The following IL1RAPL1 variants were observed in gnomAD, a reference collection of about 807,000 sequenced individuals.
The protein encoded by IL1RAPL1 is interleukin 1 receptor accessory protein like 1.
Under a neutral mutation model 48.4 loss-of-function variants are expected in IL1RAPL1, and 3 were observed. The observed-to-expected ratio is 0.06, with a 90% confidence interval of 0.03 to 0.16. The LOEUF is 0.16. IL1RAPL1 is among the 10% of genes least tolerant of loss of function. The pLI is 1.00. For missense variants in IL1RAPL1, 349 were observed against 530.6 expected, an observed-to-expected ratio of 0.66 and a Z score of 3.36; for synonymous variants, 185 against 187.7, an observed-to-expected ratio of 0.99 and a Z score of 0.12.
intron 6 of IL1RAPL1, among the ~76,000 whole-genome samples, chrX:29,718,899 A>T (rs898170073): frequency 8.9e-6 from 1 of 111,996 alleles, no homozygotes; most frequent in Non-Finnish European, 1.9e-5. Flanking sequence ...CAAATGAATG[A>T]AATTTAGACT....
chrX:29,567,217 CAA>C (rs200981365), intron 5 of IL1RAPL1, among the ~76,000 whole-genome samples: 3 of 98,462 alleles, frequency 3.0e-5, no homozygotes, highest in African/African-American at 7.4e-5. Context: ...AGACTACCTA[CAA>C]AAAAAAAAAG....
At chrX:29,379,976 A>AT (rs746779673) in intron 3 of IL1RAPL1, among the ~76,000 whole-genome samples, 1 of 110,040 alleles carries the variant, frequency 9.1e-6, no homozygotes, top group East Asian at 2.9e-4. Flanking sequence ...CATGAGATGT[A>AT]TTTTTTAGCT....
At chrX:29,395,966 A>AT (rs1335927593) in intron 3 of IL1RAPL1, among the ~76,000 whole-genome samples, 2 of 111,974 alleles carry the variant, frequency 1.8e-5, no homozygotes, top group Middle Eastern at 4.6e-3. Flanking sequence ...ATCTTCCTTT[A>AT]TTTTTTTTCT....
intron 2 of IL1RAPL1, among the ~76,000 whole-genome samples, chrX:29,279,957 C>T (rs1033137222): frequency 3.6e-5 from 4 of 111,360 alleles, no homozygotes; most frequent in Admixed American, 9.6e-5. Context: ...TTCTGAGACT[C>T]GAATAATTTT....
At chrX:29,945,675 A>G (rs1192268426) in intron 9 of IL1RAPL1, among the ~76,000 whole-genome samples, 1 of 112,061 alleles carries the variant, frequency 8.9e-6, no homozygotes, top group Admixed American at 9.5e-5. Context: ...CTAAATTCCA[A>G]GATATACAGC....
chrX:29,490,554 A>C (rs766089652), intron 5 of IL1RAPL1, among the ~76,000 whole-genome samples: 1 of 111,285 alleles, frequency 9.0e-6, no homozygotes, highest in African/African-American at 3.3e-5. Flanking sequence ...AAAAAAGATA[A>C]TTTGACAAAA....
At chrX:29,623,455 A>G (rs767861374) in intron 5 of IL1RAPL1, among the ~76,000 whole-genome samples, 1 of 111,699 alleles carries the variant, frequency 9.0e-6, no homozygotes, top group Non-Finnish European at 1.9e-5. Flanking sequence ...CACACTTAGT[A>G]TCCTATGGTT....
chrX:29,721,832 C>A (rs1460780363), intron 6 of IL1RAPL1, among the ~76,000 whole-genome samples: 1 of 111,421 alleles, frequency 9.0e-6, no homozygotes, highest in African/African-American at 3.3e-5. Flanking sequence ...TAGTGAAAAG[C>A]AGATCAAAGT....
At chrX:29,190,141 G>A (rs1047526696) in intron 2 of IL1RAPL1, among the ~76,000 whole-genome samples, 1 of 111,748 alleles carries the variant, frequency 8.9e-6, no homozygotes, top group African/African-American at 3.2e-5. Flanking sequence ...TATGCAAAGT[G>A]TGATGTATAC....
At chrX:29,140,951 A>G (rs1190323830) in intron 2 of IL1RAPL1, among the ~76,000 whole-genome samples, 1 of 111,508 alleles carries the variant, frequency 9.0e-6, no homozygotes, top group African/African-American at 3.3e-5. Flanking sequence ...CAGTCAGACC[A>G]TAGCAGATGA....
intron 3 of IL1RAPL1, 79 bp downstream of exon 3, chrX:29,283,296 T>C: frequency 2.9e-6 from 3 of 1,019,067 alleles, no homozygotes; most frequent in Non-Finnish European, 4.1e-6. Flanking sequence ...CTGCTATCTC[T>C]TTTGCCTAAA....
At chrX:29,315,552 A>C (rs1236617767) in intron 3 of IL1RAPL1, among the ~76,000 whole-genome samples, 1 of 111,736 alleles carries the variant, frequency 8.9e-6, no homozygotes, top group East Asian at 2.8e-4. Flanking sequence ...TCCTAGTAAT[A>C]CTAATATATA....
At chrX:28,916,483 A>G (rs1923492874) in intron 2 of IL1RAPL1, among the ~76,000 whole-genome samples, 1 of 112,471 alleles carries the variant, frequency 8.9e-6, no homozygotes, top group African/African-American at 3.2e-5. Context: ...CCAGCGCTCT[A>G]GCCCAGAATA....
At chrX:29,897,537 T>G (rs1279984733) in intron 6 of IL1RAPL1, among the ~76,000 whole-genome samples, 1 of 112,090 alleles carries the variant, frequency 8.9e-6, no homozygotes, top group Non-Finnish European at 1.9e-5. Context: ...ATCCAGCAAG[T>G]GACAGGACCT....
intron 1 of IL1RAPL1, among the ~76,000 whole-genome samples, chrX:28,603,632 T>C (rs907968220): frequency 9.0e-6 from 1 of 111,458 alleles, no homozygotes; most frequent in African/African-American, 3.3e-5. Flanking sequence ...GCCTGTCACA[T>C]TGTGCAATTT....
intron 2 of IL1RAPL1, among the ~76,000 whole-genome samples, chrX:28,817,421 A>G (rs925423814): frequency 9.0e-6 from 1 of 110,843 alleles, no homozygotes; most frequent in African/African-American, 3.3e-5. Context: ...AGTGATAGAT[A>G]GTATACAGAA....
intron 5 of IL1RAPL1, among the ~76,000 whole-genome samples, chrX:29,524,608 G>A (rs1338293167): frequency 9.0e-6 from 1 of 111,476 alleles, no homozygotes; most frequent in Non-Finnish European, 1.9e-5. Flanking sequence ...TGTACAGGGT[G>A]TAAAAGAGAT....
chrX:29,954,128 C>T (rs181750632), intron 9 of IL1RAPL1, among the ~76,000 whole-genome samples: 26 of 103,632 alleles, frequency 2.5e-4, no homozygotes, highest in Admixed American at 2.3e-3. Context: ...CCCAGCTACT[C>T]GGGAGGTTGA....
chrX:28,762,573 A>G (rs866888364), intron 1 of IL1RAPL1, among the ~76,000 whole-genome samples: 4 of 110,861 alleles, frequency 3.6e-5, no homozygotes, highest in South Asian at 7.6e-4. Flanking sequence ...ATACATACAT[A>G]CACGGGCACA....
Sources: allele counts gnomAD v4.1 joint callset (sites outside exome capture counted in the v4.1 genomes callset), GRCh38; gene constraint gnomAD v4.1.1; transcripts MANE v1.5; gene names NCBI Gene and HGNC (gene_info 2026-07-23, HGNC 2026-07-21).